Variants in CKAP5 observed in about 807,000 individuals in gnomAD.
The protein encoded by CKAP5 is cytoskeleton-associated protein 5.
Under a neutral mutation model 232.8 loss-of-function variants are expected in CKAP5, and 27 were observed. That is an observed-to-expected ratio of 0.12 (90% CI 0.09 to 0.16). The LOEUF (loss-of-function observed/expected upper bound fraction) is 0.16. Among genes scored for constraint, CKAP5 ranks in the 10% least tolerant of loss-of-function variants. The pLI is 1.00. For missense variants in CKAP5, 1,838 were observed against 2,424.7 expected (o/e 0.76, Z 5.08); for synonymous variants, 785 against 841.1 (o/e 0.93, Z 1.16).
In CKAP5 at chr11:46,755,073, A is replaced by G; in HGVS notation, c.4690-6T>C. On this transcript the variant is annotated splice_region_variant and splice_polypyrimidine_tract_variant and intron_variant, in intron 35 of 43. Coordinates refer to ENST00000529230, the MANE Select transcript of CKAP5 (RefSeq NM_001008938.4). The stretch of plus-strand genomic sequence containing the variant: ...TGTCTCAGGACCTCATCGATCTGAT[A>G]ACAAAAATTTCAAGATATATTTTCC... 6.3e-7 allele frequency: 1 copy of G among 1,587,724 alleles called. No individual in the cohort carries two copies. The highest frequency in any genetic ancestry group is 2.3e-5 in the East Asian group (1 of 44,114).
At chr11:46,792,507 C>T (rs557843026) in intron 13 of CKAP5, among the ~76,000 whole-genome samples, 5 of 151,932 alleles carry the variant, frequency 3.3e-5, no homozygotes, top group Admixed American at 1.3e-4. Flanking sequence ...GAGATGAAAT[C>T]GTGCCACCGC....
intron 4 of CKAP5, 61 bp downstream of exon 4, chr11:46,816,130 ACTGGTCC>A: frequency 1.5e-6 from 2 of 1,290,948 alleles, no homozygotes; most frequent in Non-Finnish European, 2.2e-6. Context: ...CTTCCATGAA[ACTGGTCC>A]CTGGTGCCAA....
At chr11:46,766,035 A>T (rs781072774) in intron 27 of CKAP5, among the ~76,000 whole-genome samples, 2 of 152,228 alleles carry the variant, frequency 1.3e-5, no homozygotes, top group Non-Finnish European at 2.9e-5. Context: ...TAAGTCACTA[A>T]AGTGGTTTTA....
chr11:46,809,547 T>C (rs1454718476), intron 6 of CKAP5, 47 bp from the exon 7 acceptor site: 5 of 1,481,298 alleles, frequency 3.4e-6, no homozygotes, highest in Non-Finnish European at 4.7e-6. Context: ...TTAGAATTGT[T>C]TTACTTATCA....
intron 5 of CKAP5, 133 bp downstream of exon 5, chr11:46,810,874 T>A: frequency 1.3e-6 from 1 of 774,338 alleles, no homozygotes; most frequent in African/African-American, 1.8e-5. Flanking sequence ...AAGTTAGCTA[T>A]GCTCAGAAAA....
intron 9 of CKAP5, among the ~76,000 whole-genome samples, chr11:46,800,015 A>G (rs1938989925): frequency 6.6e-6 from 1 of 152,040 alleles, no homozygotes; most frequent in Non-Finnish European, 1.5e-5. Context: ...AAAAAAAACT[A>G]AAATTATTCT....
chr11:46,778,437 C>A (rs760451916), intron 21 of CKAP5, 23 bp downstream of exon 21: 3 of 1,612,906 alleles, frequency 1.9e-6, no homozygotes, highest in Non-Finnish European at 2.5e-6. Flanking sequence ...ATGAAATAAA[C>A]CATTTCACAG....
intron 3 of CKAP5, among the ~76,000 whole-genome samples, chr11:46,817,883 C>G (rs1939440606): frequency 6.6e-6 from 1 of 152,168 alleles, no homozygotes; most frequent in Non-Finnish European, 1.5e-5. Flanking sequence ...AGACATGATT[C>G]TAACATCACC....
chr11:46,795,495 T>C, intron 13 of CKAP5, 99 bp downstream of exon 13: 3 of 930,924 alleles, frequency 3.2e-6, no homozygotes. Context: ...ATGTGGCCAA[T>C]GAATTCATTT....
chr11:46,831,763 C>A (rs1939798513), intron 1 of CKAP5, among the ~76,000 whole-genome samples: 1 of 152,022 alleles, frequency 6.6e-6, no homozygotes, highest in African/African-American at 2.4e-5. Context: ...AACTCCCAGG[C>A]TCAAGCAGTC....
At chr11:46,787,641 A>T (rs1052809794) in intron 16 of CKAP5, among the ~76,000 whole-genome samples, 1 of 152,106 alleles carries the variant, frequency 6.6e-6, no homozygotes, top group East Asian at 1.9e-4. Context: ...CTCACTGTTT[A>T]TTTCTCCCTT....
At chr11:46,809,535 G>A (rs199664870) in intron 6 of CKAP5, 35 bp from the exon 7 acceptor site, 51 of 1,510,128 alleles carry the variant, frequency 3.4e-5, no homozygotes, top group African/African-American at 1.9e-4. Context: ...CCTTAAAAAT[G>A]CTTAGAATTG....
At chr11:46,803,906 T>C (rs1202816954) in intron 8 of CKAP5, among the ~76,000 whole-genome samples, 1 of 152,232 alleles carries the variant, frequency 6.6e-6, no homozygotes, top group Non-Finnish European at 1.5e-5. Context: ...ATTTAGATGC[T>C]AGGCTTTATA....
chr11:46,793,010 T>C (rs1047135941), intron 13 of CKAP5, among the ~76,000 whole-genome samples: 1 of 152,132 alleles, frequency 6.6e-6, no homozygotes, highest in African/African-American at 2.4e-5. Flanking sequence ...CACAAACAGA[T>C]ACCCGGTTTC....
chr11:46,833,323 C>G (rs146945243), intron 1 of CKAP5, among the ~76,000 whole-genome samples: 1 of 152,194 alleles, frequency 6.6e-6, no homozygotes, highest in Non-Finnish European at 1.5e-5. Context: ...AAATATGACC[C>G]ATGTGACCAA....
At chr11:46,807,390 C>T (rs1297812508) in intron 8 of CKAP5, among the ~76,000 whole-genome samples, 1 of 152,212 alleles carries the variant, frequency 6.6e-6, no homozygotes, top group East Asian at 1.9e-4. Flanking sequence ...TAATTTCAGA[C>T]TGAGGAAGCA....
At chr11:46,818,776 AATT>A (rs1939463636) in intron 2 of CKAP5, among the ~76,000 whole-genome samples, 1 of 152,166 alleles carries the variant, frequency 6.6e-6, no homozygotes, top group African/African-American at 2.4e-5. Flanking sequence ...TGTATCTAAG[AATT>A]ATTACTTCTT....
chr11:46,801,733 A>G (rs1254301005), intron 8 of CKAP5, among the ~76,000 whole-genome samples: 3 of 152,106 alleles, frequency 2.0e-5, no homozygotes, highest in Non-Finnish European at 4.4e-5. Context: ...TTACTACAAC[A>G]GAGGAGAAAT....
intron 2 of CKAP5, among the ~76,000 whole-genome samples, chr11:46,819,765 C>T (rs1395213382): frequency 1.3e-5 from 2 of 152,084 alleles, no homozygotes; most frequent in Non-Finnish European, 2.9e-5. Context: ...GCCTAACCCA[C>T]TATAAGATGC....
Sources: allele counts gnomAD v4.1 joint callset (sites outside exome capture counted in the v4.1 genomes callset), GRCh38; gene constraint gnomAD v4.1.1; transcripts MANE v1.5; gene names NCBI Gene and HGNC (gene_info 2026-07-23, HGNC 2026-07-21).